Variants in TSGA10 observed in about 807,000 individuals in gnomAD.
The protein encoded by TSGA10 is testis specific 10, also known as testis-specific gene 10 protein.
Under a neutral mutation model 96.6 loss-of-function variants are expected in TSGA10, and 43 were observed. The ratio of observed to expected loss-of-function variants is 0.44; its 90% CI spans 0.35 to 0.57. The LOEUF (loss-of-function observed/expected upper bound fraction) is 0.57. TSGA10 is among the 20% of genes least tolerant of loss of function. The pLI is 0.01. For missense variants in TSGA10, 703 were observed against 834.4 expected (o/e 0.84, Z 1.94); for synonymous variants, 229 against 269.9 (o/e 0.85, Z 1.48).
chr2:99,084,989 T>C (rs751585000), intron 10 of TSGA10, among the ~76,000 whole-genome samples: 16 of 151,830 alleles, frequency 1.1e-4, no homozygotes, highest in Non-Finnish European at 1.9e-4. Flanking sequence ...CGGTGGCTCA[T>C]GTCTGTAATC....
chr2:99,036,478 T>C (rs1056874023), intron 16 of TSGA10, among the ~76,000 whole-genome samples: 2 of 152,014 alleles, frequency 1.3e-5, no homozygotes, highest in Non-Finnish European at 2.9e-5. Context: ...ATTAATCAAA[T>C]AATGATACAA....
At chr2:99,142,625 T>C (rs1331491812) in intron 1 of TSGA10, among the ~76,000 whole-genome samples, 1 of 152,250 alleles carries the variant, frequency 6.6e-6, no homozygotes, top group Non-Finnish European at 1.5e-5. Context: ...GTCCCTGTTA[T>C]TTTAGATTAA....
intron 1 of TSGA10, chr2:99,142,358 G>A (rs958834766): frequency 6.6e-6 from 1 of 152,314 alleles, no homozygotes; most frequent in Admixed American, 6.5e-5. Context: ...TATTTCAAGA[G>A]TAAGCTCTCG....
intron 1 of TSGA10, among the ~76,000 whole-genome samples, chr2:99,132,839 T>C (rs1004954505): frequency 6.6e-6 from 1 of 152,240 alleles, no homozygotes; most frequent in East Asian, 1.9e-4. Context: ...AAGAACTTAA[T>C]TCTGCCTTAA....
intron 4 of TSGA10, among the ~76,000 whole-genome samples, chr2:99,115,866 G>A (rs1320698633): frequency 6.6e-6 from 1 of 152,068 alleles, no homozygotes; most frequent in Non-Finnish European, 1.5e-5. Flanking sequence ...GTGACAGACG[G>A]AAACTCTGTC....
intron 5 of TSGA10, 107 bp from the exon 6 acceptor site, chr2:99,109,619 T>C (rs996701905): frequency 9.7e-6 from 9 of 923,306 alleles, no homozygotes; most frequent in Non-Finnish European, 7.1e-6. Context: ...ATTTTCTAAG[T>C]GAAATTGAAA....
intron 17 of TSGA10, 36 bp downstream of exon 17, chr2:99,035,194 T>C: frequency 6.8e-7 from 1 of 1,462,138 alleles, no homozygotes; most frequent in Non-Finnish European, 9.3e-7. Flanking sequence ...TTTACAGTAA[T>C]AGCAATTTTA....
chr2:99,073,006 C>A lies in TSGA10; in HGVS notation c.938+12G>T. 6.2e-7 allele frequency: 1 copy of A among 1,600,566 alleles called. No homozygotes were observed. The highest frequency in any genetic ancestry group is 8.5e-7 in the Non-Finnish European group (1 of 1,170,196). ...AGTAAGAGCTCATATATTTGTTGCA[C>A]GACTGATTTACCTTGATGCCTGTTC... On this transcript the variant is annotated intron_variant, in intron 13 of 20. Transcript: ENST00000393483.
chr2:99,102,506 G>A lies in TSGA10; in HGVS notation c.611+1461C>T, dbSNP rs1039356552. On this transcript the variant is annotated intron_variant, in intron 10 of 20. Transcript: ENST00000393483. ...TTTTTGCCATTCAGAAATGTGACCC[G>A]GCTCCATTTTACTTGTTTGATGAGA... 21 of 1,613,874 alleles carry A rather than the reference G, an allele frequency of 1.3e-5. No homozygotes were observed. In the East Asian group the frequency reaches 2.5e-4, roughly 19 times the overall value.
intron 4 of TSGA10, among the ~76,000 whole-genome samples, chr2:99,113,176 TG>T (rs1182124688): frequency 6.6e-6 from 1 of 152,150 alleles, no homozygotes; most frequent in African/African-American, 2.4e-5. Context: ...GTGGTTTTAA[TG>T]TATGTCCACA....
intron 4 of TSGA10, among the ~76,000 whole-genome samples, chr2:99,116,566 T>C (rs2092278476): frequency 6.6e-6 from 1 of 151,466 alleles, no homozygotes; most frequent in African/African-American, 2.4e-5. Flanking sequence ...AAAAAGAAAC[T>C]AGCAGTATCA....
chr2:99,114,581 AC>A (rs1277127296), intron 4 of TSGA10, among the ~76,000 whole-genome samples: 3 of 152,108 alleles, frequency 2.0e-5, no homozygotes, highest in Non-Finnish European at 2.9e-5. Context: ...CCAACATTCC[AC>A]ATTATTTATG....
Position 99,058,339 on chromosome 2 carries a change from T to C in TSGA10, c.1404+6600A>G, listed in dbSNP as rs1362308286. ...AACACAAAAATATGTAGAATACAGC[T>C]AAAGCACTGTGTAGGGGAAAATACA... is the stretch of plus-strand genomic sequence containing the variant. On this transcript the variant is annotated intron_variant, in intron 16 of 20. Transcript: ENST00000393483. 3.3e-5 allele frequency among the ~76,000 whole-genome samples: 5 copies of C among 152,172 alleles called. No homozygotes were observed. The East Asian group carries it at 7.7e-4, about 23-fold the overall frequency.
At chr2:99,077,646 C>T (rs1309501789) in intron 12 of TSGA10, among the ~76,000 whole-genome samples, 1 of 152,072 alleles carries the variant, frequency 6.6e-6, no homozygotes, top group Non-Finnish European at 1.5e-5. Context: ...ACTGCAAGCT[C>T]CGCCTCCGGG....
intron 20 of TSGA10, among the ~76,000 whole-genome samples, chr2:99,011,053 C>T (rs567739197): frequency 2.0e-5 from 3 of 152,294 alleles, no homozygotes; most frequent in South Asian, 2.1e-4. Context: ...CCAAGGTGGC[C>T]GTGGCAAGCC....
rs138184970 is a variant in TSGA10 at position 99,120,985 on chromosome 2, T to A, written c.-491-2299A>T. On this transcript the variant is annotated intron_variant, in intron 2 of 20. Transcript: ENST00000393483. ...GCGTCCTTTAGATCCACGCAAGTTG[T>A]TATTTGAACCAAATAGGATCATTCC... 9.3e-4 allele frequency among the ~76,000 whole-genome samples: 142 copies of A among 152,330 alleles called. 3 individuals carry two copies. In the East Asian group the frequency reaches 0.017, roughly 18 times the overall value.
chr2:99,002,004 A>C (rs905871453), intron 20 of TSGA10, among the ~76,000 whole-genome samples: 1 of 152,218 alleles, frequency 6.6e-6, no homozygotes, highest in African/African-American at 2.4e-5. Flanking sequence ...CCATATCTAC[A>C]TCTGATTGGT....
intron 2 of TSGA10, among the ~76,000 whole-genome samples, chr2:99,122,458 G>A (rs2092619159): frequency 6.6e-6 from 1 of 150,960 alleles, no homozygotes; most frequent in African/African-American, 2.4e-5. Flanking sequence ...AACCACATTC[G>A]ACAGTTAAAT....
intron 2 of TSGA10, chr2:99,126,821 A>G: frequency 8.9e-6 from 2 of 225,670 alleles, no homozygotes; most frequent in South Asian, 1.4e-4. Context: ...TGATTAAGTA[A>G]AAACTGTATA....
Sources: allele counts gnomAD v4.1 joint callset (sites outside exome capture counted in the v4.1 genomes callset), GRCh38; gene constraint gnomAD v4.1.1; transcripts MANE v1.5; gene names NCBI Gene and HGNC (gene_info 2026-07-23, HGNC 2026-07-21).